Variants in DNAH5 observed in about 807,000 individuals in gnomAD.
DNAH5 encodes the protein axonemal beta dynein heavy chain 5.
DNAH5 carries 372 observed loss-of-function variants against 518.2 expected under a neutral mutation model. The ratio of observed to expected loss-of-function variants is 0.72; its 90% confidence interval spans 0.66 to 0.78. DNAH5 has a LOEUF of 0.78. Ranked by LOEUF, DNAH5 falls within the 30% of genes least tolerant of loss-of-function variation. The pLI is 0.00. For synonymous variants in DNAH5, 2,039 were observed against 2,025.9 expected (o/e 1.01, Z -0.17); for missense variants, 5,523 against 5,687.0 (o/e 0.97, Z 0.93).
rs951528702 is a variant in DNAH5, at chr5:13,770,810, T to G, written c.9544A>C (p.Ile3182Leu). Residue 3182 changes from isoleucine to leucine, a missense_variant, in exon 56 of 79, where the codon ATT becomes CTT. Physicochemically the swap from Ile to Leu is conservative, Grantham distance 5. This residue lies in a region of DNAH5 where 5,121 missense variants were observed against 5,223.3 expected (regional missense o/e 0.98). Transcript: ENST00000265104. ...HVTPKSYLSFIQGYKFIYGEK... is the reference protein window; with the variant it reads ...HVTPKSYLSFLQGYKFIYGEK... ...CCATATATGAACTTATAGCCCTGAA[T>G]AAAGGAGAGGTATGATTTGGGCGTC... 5 of 1,614,054 alleles carry G rather than the reference T, an allele frequency of 3.1e-6. No homozygotes were observed. The highest frequency in any genetic ancestry group is 4.2e-6 in the Non-Finnish European group (5 of 1,179,964).
At chr5:13,805,741 G>T (rs983143505) in intron 47 of DNAH5, among the ~76,000 whole-genome samples, 6 of 152,144 alleles carry the variant, frequency 3.9e-5, no homozygotes, top group African/African-American at 1.4e-4. Flanking sequence ...ATCTTTGCAA[G>T]AAAGCTGTAA....
intron 46 of DNAH5, 76 bp downstream of exon 46, chr5:13,808,968 A>G (rs1486925890): frequency 6.4e-6 from 10 of 1,562,004 alleles, no homozygotes; most frequent in African/African-American, 1.4e-5. Context: ...TCAGTAAATA[A>G]CTAAATAAAT....
At chr5:13,825,350 T>A (rs1296361197) in intron 38 of DNAH5, among the ~76,000 whole-genome samples, 2 of 150,466 alleles carry the variant, frequency 1.3e-5, no homozygotes, top group African/African-American at 4.9e-5. Flanking sequence ...TTGCAAAAAA[T>A]AAATAAATAA....
rs554584093 is a variant in DNAH5 at position 13,779,370 on chromosome 5, C to T, written c.8951+1459G>A. Among the ~76,000 whole-genome samples, 4 of 152,302 alleles carry T rather than the reference C, an allele frequency of 2.6e-5. No homozygotes were observed. The East Asian group carries it at 7.7e-4, about 29-fold the overall frequency. On this transcript the variant is annotated intron_variant, in intron 53 of 78. Transcript: ENST00000265104. Reference sequence around the variant, plus strand: ...AGGTCAGACAAAACACAAAGTGTAACAACAGCTTAAATATTTGAATCTCCA... The same window carrying T: ...AGGTCAGACAAAACACAAAGTGTAATAACAGCTTAAATATTTGAATCTCCA...
In DNAH5 at chr5:13,735,254, A is replaced by G; in HGVS notation, c.11638T>C (p.Tyr3880His). The change falls in exon 68 of 79, where the codon TAT (tyrosine) becomes CAT (histidine). Residue 3880 changes from tyrosine to histidine, a missense_variant. Physicochemically the swap from Tyr to His is moderately conservative, Grantham distance 83. Transcript: ENST00000265104. ...TACAGCCCTCGGGCAGCATACTTAT[A>G]AACCTCGTAGGTCATGTGCTCGATG... ...NIIEHMTYEV[Y>H]KYAARGLYEE... 1 of 1,614,112 alleles carries G rather than the reference A, an allele frequency of 6.2e-7. No homozygotes were observed. The highest frequency in any genetic ancestry group is 8.5e-7 in the Non-Finnish European group (1 of 1,180,004).
chr5:13,868,297 A>G (rs1275014873), intron 24 of DNAH5, among the ~76,000 whole-genome samples: 2 of 152,240 alleles, frequency 1.3e-5, no homozygotes, highest in African/African-American at 4.8e-5. Flanking sequence ...AGATATTTTT[A>G]CTTAGGCCCC....
intron 35 of DNAH5, 102 bp downstream of exon 35, chr5:13,839,254 T>C: frequency 9.8e-7 from 1 of 1,020,946 alleles, no homozygotes; most frequent in Non-Finnish European, 1.5e-6. Context: ...TCAAAGGTTT[T>C]AGTATAAAGA....
chr5:13,768,683 T>C (rs778793825), intron 58 of DNAH5, among the ~76,000 whole-genome samples: 61 of 152,214 alleles, frequency 4.0e-4, no homozygotes, highest in Admixed American at 5.9e-4. Context: ...ACATAGCTTA[T>C]TGATGACAGA....
rs939353456 is a variant in DNAH5, at chr5:13,864,415, T to G, written c.4578A>C (p.Lys1526Asn). Residue 1526 changes from lysine to asparagine, a missense_variant, in exon 28 of 79, where the codon AAA becomes AAC. By Grantham distance (94) the Lys-to-Asn change is moderately conservative. This residue lies in a region of DNAH5 where 5,121 missense variants were observed against 5,223.3 expected (regional missense o/e 0.98). Transcript: ENST00000265104. ...ACTCTACCTCTATTTCCTCTTTATA[T>G]TTCAGAAGAGGTGCCTCCATGATAT... Reference protein sequence around the residue: ...LRNIMEAPLLKYKEEIEDICI... With the variant: ...LRNIMEAPLLNYKEEIEDICI... The G allele has an allele frequency of 1.2e-6, 2 of 1,614,064 alleles. No individual in the cohort carries two copies. The highest frequency in any genetic ancestry group is 1.1e-5 in the South Asian group (1 of 91,080).
chr5:13,963,387 G>A (rs933732975), intron 1 of DNAH5, among the ~76,000 whole-genome samples: 2 of 152,078 alleles, frequency 1.3e-5, no homozygotes, highest in African/African-American at 2.4e-5. Context: ...AGACCAGCCT[G>A]GCCAACGTGG....
At position 13,839,259 on chromosome 5, in the gene DNAH5, T is replaced by C. The variant is rs979923037; in HGVS notation, c.5882+97A>G. The C allele has an allele frequency of 1.2e-5, 13 of 1,094,626 alleles. No individual in the cohort carries two copies. In the East Asian group the frequency reaches 1.4e-4, roughly 12 times the overall value. The allele number at this position is 1,094,626 out of a possible 1,614,324, so 67.8% of individuals were successfully genotyped here. A position where few individuals can be genotyped will look rare whatever the true frequency, so the allele number is the denominator to read the frequency against. ...ATACTAAATTTCAAAGGTTTTAGTA[T>C]AAAGAGCCTATAAACCCTAAGAGAC... On this transcript the variant is annotated intron_variant, in intron 35 of 78. Coordinates refer to ENST00000265104, the MANE Select transcript of DNAH5 (RefSeq NM_001369.3).
At chr5:13,862,451 T>C (rs779367275) in intron 29 of DNAH5, 97 bp downstream of exon 29, 19 of 1,175,624 alleles carry the variant, frequency 1.6e-5, no homozygotes, top group Non-Finnish European at 2.3e-5. Flanking sequence ...TTGAGTAAAC[T>C]ATATGAAGGC....
chr5:13,806,829 G>A (rs1759676820), intron 47 of DNAH5, among the ~76,000 whole-genome samples: 1 of 152,140 alleles, frequency 6.6e-6, no homozygotes, highest in Non-Finnish European at 1.5e-5. Flanking sequence ...GCAAACTTGA[G>A]GGGTTTTTTT....
At chr5:13,736,179 C>A (rs1303115795) in intron 66 of DNAH5, among the ~76,000 whole-genome samples, 1 of 152,110 alleles carries the variant, frequency 6.6e-6, no homozygotes, top group African/African-American at 2.4e-5. Flanking sequence ...AGACCCCTCG[C>A]AACAATATTT....
chr5:13,793,699 C>G lies in DNAH5; in HGVS notation c.8040G>C (p.Met2680Ile), dbSNP rs746206535. ...CTAGATTATAGAATCCATTTTGTTC[C>G]ATCAGCTGTCGCACTATCTCATTCG... Reference protein sequence around the residue: ...QVTNEIVRQLMEQNGFYNLEK... With the variant: ...QVTNEIVRQLIEQNGFYNLEK... The change falls in exon 49 of 79, where the codon ATG becomes ATC. Residue 2680 changes from methionine (M) to isoleucine (I), a missense_variant. Around this residue, in one of 3 missense-constraint regions of DNAH5, gnomAD observed 5,121 missense variants for 5,223.3 expected, o/e 0.98. Transcript: ENST00000265104. 3 of 1,614,128 alleles carry G rather than the reference C, an allele frequency of 1.9e-6. No homozygotes were observed. In the Admixed American group the frequency reaches 5.0e-5, roughly 27 times the overall value.
chr5:13,778,965 A>G (rs1311801268), intron 53 of DNAH5, among the ~76,000 whole-genome samples: 24 of 152,214 alleles, frequency 1.6e-4, no homozygotes, highest in Admixed American at 1.4e-3. Flanking sequence ...GTGGTGCAGT[A>G]AAAGTCACAC....
chr5:13,830,181 C>T lies in DNAH5; in HGVS notation c.6094G>A (p.Asp2032Asn). 1 of 1,613,910 alleles carries T rather than the reference C, an allele frequency of 6.2e-7. No individual in the cohort carries two copies. The highest frequency in any genetic ancestry group is 8.5e-7 in the Non-Finnish European group (1 of 1,179,956). Residue 2032 changes from aspartate (D) to asparagine (N), a missense_variant, in exon 37 of 79, where the codon GAT becomes AAT. Around this residue, in one of 3 missense-constraint regions of DNAH5, gnomAD observed 5,121 missense variants for 5,223.3 expected, o/e 0.98. Coordinates refer to ENST00000265104, the MANE Select transcript of DNAH5 (RefSeq NM_001369.3). ...GGTAGATCAATACGGTTAAATTCAT[C>T]AAAACAACCCCAGGATCCAGACTGT... is the stretch of plus-strand genomic sequence containing the variant. ...LAQSGSWGCF[D>N]EFNRIDLPVL...
intron 47 of DNAH5, among the ~76,000 whole-genome samples, chr5:13,797,018 AT>A (rs1757930442): frequency 6.6e-6 from 1 of 152,238 alleles, no homozygotes; most frequent in Non-Finnish European, 1.5e-5. Flanking sequence ...CTGAAACTGG[AT>A]CCCTTCCTTA....
At chr5:13,819,173 T>C (rs1343771271) in intron 41 of DNAH5, among the ~76,000 whole-genome samples, 1 of 152,192 alleles carries the variant, frequency 6.6e-6, no homozygotes, top group Non-Finnish European at 1.5e-5. Context: ...AAAAATATTA[T>C]TGAGAAAAAT....
Sources: allele counts gnomAD v4.1 joint callset (sites outside exome capture counted in the v4.1 genomes callset), GRCh38; gene constraint gnomAD v4.1.1; regional missense constraint gnomAD v4.1.1; transcripts MANE v1.5; gene names NCBI Gene and HGNC (gene_info 2026-07-23, HGNC 2026-07-21).